Variants in LRRC4C observed in about 807,000 individuals in gnomAD.
The protein encoded by LRRC4C is leucine-rich repeat-containing protein 4C.
In LRRC4C, 5 loss-of-function variants were observed where a neutral mutation model predicts 33.6. The observed-to-expected ratio is 0.15, with a 90% CI of 0.08 to 0.31. The LOEUF (loss-of-function observed/expected upper bound fraction) is 0.31, where lower values mean the gene tolerates loss of function less well. Among genes scored for constraint, LRRC4C ranks in the 10% least tolerant of loss-of-function variants. The probability of loss-of-function intolerance (pLI) is 1.00; values close to 1 mark genes in which losing one functional copy is unlikely to be tolerated. For missense variants in LRRC4C, 560 were observed against 796.7 expected (o/e 0.70, Z 3.58); for synonymous variants, 329 against 302.0 (o/e 1.09, Z -0.93).
intron 5 of LRRC4C, among the ~76,000 whole-genome samples, chr11:40,167,631 G>A (rs80155402): frequency 0.028 from 4,289 of 152,224 alleles, 66 homozygotes; most frequent in South Asian, 0.051. Context: ...GAGAAGAGTG[G>A]TATAGAATAA....
intron 1 of LRRC4C, among the ~76,000 whole-genome samples, chr11:41,442,724 C>T (rs879387693): frequency 2.5e-4 from 38 of 152,062 alleles, no homozygotes; most frequent in Non-Finnish European, 5.1e-4. Context: ...CCGCCTTTGC[C>T]TCCCAAAGTG....
intron 4 of LRRC4C, among the ~76,000 whole-genome samples, chr11:40,313,125 C>T (rs1446809764): frequency 6.6e-6 from 1 of 152,122 alleles, no homozygotes; most frequent in Non-Finnish European, 1.5e-5. Flanking sequence ...GACATTACAA[C>T]TCACATTCTT....
intron 2 of LRRC4C, among the ~76,000 whole-genome samples, chr11:40,774,804 G>C (rs976274480): frequency 5.9e-5 from 9 of 152,042 alleles, no homozygotes; most frequent in African/African-American, 2.2e-4. Flanking sequence ...GGGAAATGAT[G>C]CATTTTGAGG....
chr11:41,070,164 G>A (rs957108903), intron 1 of LRRC4C, among the ~76,000 whole-genome samples: 3 of 152,074 alleles, frequency 2.0e-5, no homozygotes, highest in Non-Finnish European at 4.4e-5. Context: ...ACAAACAATG[G>A]GGAAAGGATT....
chr11:40,416,580 T>C (rs931733515), intron 3 of LRRC4C, among the ~76,000 whole-genome samples: 7 of 152,186 alleles, frequency 4.6e-5, no homozygotes, highest in Non-Finnish European at 1.0e-4. Flanking sequence ...TGAGTGAAAC[T>C]GGAATACTCA....
intron 3 of LRRC4C, among the ~76,000 whole-genome samples, chr11:40,384,198 G>T (rs988373282): frequency 6.6e-6 from 1 of 151,890 alleles, no homozygotes; most frequent in African/African-American, 2.4e-5. Flanking sequence ...CGTCACAGGG[G>T]AATACCCTAA....
intron 1 of LRRC4C, among the ~76,000 whole-genome samples, chr11:41,082,937 A>G (rs1590483307): frequency 6.6e-6 from 1 of 152,038 alleles, no homozygotes; most frequent in Non-Finnish European, 1.5e-5. Flanking sequence ...TTTTTCACCA[A>G]TGAGTGGTTT....
At chr11:40,327,633 T>C (rs906641058) in intron 3 of LRRC4C, among the ~76,000 whole-genome samples, 1 of 152,100 alleles carries the variant, frequency 6.6e-6, no homozygotes, top group Non-Finnish European at 1.5e-5. Context: ...CAGTCAGCCA[T>C]TCCCTTAATA....
At chr11:40,532,521 C>T (rs1206618514) in intron 3 of LRRC4C, among the ~76,000 whole-genome samples, 1 of 151,750 alleles carries the variant, frequency 6.6e-6, no homozygotes, top group Non-Finnish European at 1.5e-5. Context: ...TGAGAAAATG[C>T]AATCTGTGGC....
chr11:40,446,608 A>G (rs1213481682), intron 3 of LRRC4C: 1 of 152,164 alleles, frequency 6.6e-6, no homozygotes, highest in African/African-American at 2.4e-5. Context: ...AATTGCTATA[A>G]GGAAATACCT....
At chr11:40,953,960 A>G (rs1013263545) in intron 1 of LRRC4C, among the ~76,000 whole-genome samples, 7 of 151,884 alleles carry the variant, frequency 4.6e-5, no homozygotes, top group African/African-American at 1.7e-4. Flanking sequence ...TTAGAAATTC[A>G]TCCAAAGAAA....
At chr11:41,166,927 C>G (rs751043391) in intron 1 of LRRC4C, among the ~76,000 whole-genome samples, 1 of 152,128 alleles carries the variant, frequency 6.6e-6, no homozygotes, top group Admixed American at 6.5e-5. Flanking sequence ...CCCTCTCCCC[C>G]ATACAAACTG....
chr11:40,491,454 GTC>G (rs1390131781), intron 3 of LRRC4C, among the ~76,000 whole-genome samples: 1 of 152,174 alleles, frequency 6.6e-6, no homozygotes, highest in Non-Finnish European at 1.5e-5. Flanking sequence ...CACGGTTGCA[GTC>G]AAGGTGTTGG....
At chr11:40,703,296 CA>C (rs1945971430) in intron 2 of LRRC4C, among the ~76,000 whole-genome samples, 1 of 152,016 alleles carries the variant, frequency 6.6e-6, no homozygotes, top group South Asian at 2.1e-4. Flanking sequence ...ACTTTTATGG[CA>C]AAGTCTAAAT....
intron 3 of LRRC4C, among the ~76,000 whole-genome samples, chr11:40,420,358 A>AACTCCCTG (rs1950479279): frequency 6.6e-6 from 1 of 152,158 alleles, no homozygotes; most frequent in Admixed American, 6.5e-5. Context: ...TTGTCTCAAG[A>AACTCCCTG]ACTCCCTGAC....
intron 3 of LRRC4C, among the ~76,000 whole-genome samples, chr11:40,516,713 C>A (rs1287072707): frequency 6.6e-6 from 1 of 152,006 alleles, no homozygotes; most frequent in African/African-American, 2.4e-5. Context: ...AGAATCCAAC[C>A]CAATTTTTCT....
At chr11:40,286,126 T>C (rs1177615775) in intron 4 of LRRC4C, among the ~76,000 whole-genome samples, 3 of 152,202 alleles carry the variant, frequency 2.0e-5, no homozygotes, top group Admixed American at 1.3e-4. Context: ...CTGAAAACAC[T>C]GATAGTACCA....
intron 3 of LRRC4C, among the ~76,000 whole-genome samples, chr11:40,465,017 A>G (rs1464444703): frequency 6.6e-6 from 1 of 152,130 alleles, no homozygotes; most frequent in Non-Finnish European, 1.5e-5. Flanking sequence ...AGAAATGCTA[A>G]GCAGAAAGAA....
chr11:40,965,291 A>G lies in LRRC4C; in HGVS notation c.-495-31568T>C, dbSNP rs1592207536. On this transcript the variant is annotated intron_variant, in intron 1 of 6. Transcript: ENST00000528697. ...TAGCCCTTTGTCAGATTAGTAGGTT[A>G]CAAAAATTTTCTCCCATTCTGTAGG... 3.9e-5 allele frequency among the ~76,000 whole-genome samples: 6 copies of G among 152,000 alleles called. 2 individuals are homozygous for G.
Sources: allele counts gnomAD v4.1 joint callset (sites outside exome capture counted in the v4.1 genomes callset), GRCh38; gene constraint gnomAD v4.1.1; transcripts MANE v1.5; gene names NCBI Gene and HGNC (gene_info 2026-07-23, HGNC 2026-07-21).